The following SGO2 variants were observed in gnomAD, a reference collection of about 807,000 sequenced individuals.
The protein encoded by SGO2 is shugoshin-like 2.
Under a neutral mutation model 99.5 loss-of-function variants are expected in SGO2, and 68 were observed. The ratio of observed to expected loss-of-function variants is 0.68; its 90% confidence interval spans 0.56 to 0.84. The LOEUF (loss-of-function observed/expected upper bound fraction) is 0.84. SGO2 is among the 40% of genes least tolerant of loss of function. SGO2 has a pLI of 0.00. For missense variants in SGO2, 1,350 were observed against 1,436.7 expected (o/e 0.94, Z 0.97); for synonymous variants, 457 against 487.1 (o/e 0.94, Z 0.81).
rs555647661 is a variant in SGO2, at chr2:200,562,583, A to G, written c.474-7080A>G. 1.1e-4 allele frequency among the ~76,000 whole-genome samples: 16 copies of G among 152,266 alleles called. No individual in the cohort carries two copies. The South Asian group carries it at 2.5e-3, about 24-fold the overall frequency. On this transcript the variant is annotated intron_variant, in intron 5 of 8. Transcript: ENST00000357799. ...ATGAACTTTAAAGTAGGTTTTTCCA[A>G]TTCTGTGAAGGAAGTCATTGGTAGC... is the stretch of plus-strand genomic sequence containing the variant.
chr2:200,556,702 G>A (rs567481800), intron 5 of SGO2, among the ~76,000 whole-genome samples: 2 of 152,320 alleles, frequency 1.3e-5, no homozygotes, highest in South Asian at 2.1e-4. Context: ...GCATTGGGCA[G>A]TTTCCATTAC....
At chr2:200,529,504 C>CGTTTT (rs71405325) in intron 1 of SGO2, among the ~76,000 whole-genome samples, 32,976 of 151,048 alleles carry the variant, frequency 0.22, 3,783 homozygotes, top group Middle Eastern at 0.29. Context: ...AGTTTTGTTT[C>CGTTTT]GTTTTGTTTT....
Position 200,572,101 on chromosome 2 carries a change from G to T in SGO2, c.1755G>T (p.Gly585=). The T allele has an allele frequency of 6.2e-7, 1 of 1,613,186 alleles. No homozygotes were observed. The highest frequency in any genetic ancestry group is 1.1e-5 in the South Asian group (1 of 90,910). ...ATAATGGAAATTTATGTGATTATGGGACCCACAATATATTGGATTTGAAAA... is the reference window on the plus strand; with the variant it reads ...ATAATGGAAATTTATGTGATTATGGTACCCACAATATATTGGATTTGAAAA... ...TKDNGNLCDY[G]THNILDLKKY... The change falls in exon 7 of 9, where the codon GGG becomes GGT. Residue 585 remains glycine (G), a synonymous_variant. Coordinates refer to ENST00000357799, the MANE Select transcript of SGO2 (RefSeq NM_152524.6).
At chr2:200,556,807 C>T (rs938179037) in intron 5 of SGO2, among the ~76,000 whole-genome samples, 2 of 152,006 alleles carry the variant, frequency 1.3e-5, no homozygotes, top group Non-Finnish European at 2.9e-5. Flanking sequence ...ATATCAACCC[C>T]AAAACTCCTG....
intron 5 of SGO2, among the ~76,000 whole-genome samples, chr2:200,559,435 C>G (rs1274535946): frequency 2.0e-5 from 3 of 151,910 alleles, no homozygotes; most frequent in East Asian, 3.9e-4. Flanking sequence ...TGATTCTGCT[C>G]TTTATTGTTT....
chr2:200,532,272 G>GTTTTTTTTTGTTT (rs2031429652), intron 1 of SGO2: 3 of 187,204 alleles, frequency 1.6e-5, no homozygotes, highest in African/African-American at 9.1e-5. Flanking sequence ...AGAGTTTTTT[G>GTTTTTTTTTGTTT]TTTTTTTTTT....
intron 5 of SGO2, among the ~76,000 whole-genome samples, chr2:200,549,596 A>G (rs1423903952): frequency 6.6e-6 from 1 of 152,232 alleles, no homozygotes; most frequent in Non-Finnish European, 1.5e-5. Flanking sequence ...AGGATGGCTC[A>G]GCAGACACAA....
intron 4 of SGO2, 51 bp from the exon 5 acceptor site, chr2:200,542,528 A>T: frequency 7.1e-7 from 1 of 1,413,702 alleles, no homozygotes; most frequent in African/African-American, 1.4e-5. Context: ...GATAACTAAC[A>T]TGATTTAATA....
chr2:200,550,991 CAAA>C (rs55848114), intron 5 of SGO2, among the ~76,000 whole-genome samples: 1 of 138,952 alleles, frequency 7.2e-6, no homozygotes, highest in African/African-American at 2.6e-5. Flanking sequence ...AACTAAGTAG[CAAA>C]AAAAAAAAAG....
At chr2:200,555,067 C>T (rs777278931) in intron 5 of SGO2, among the ~76,000 whole-genome samples, 2 of 152,180 alleles carry the variant, frequency 1.3e-5, no homozygotes, top group African/African-American at 4.8e-5. Flanking sequence ...TTGCTCGAAT[C>T]TTCAGCTTTA....
At chr2:200,581,689 G>A (rs1436239192) in intron 8 of SGO2, among the ~76,000 whole-genome samples, 1 of 151,934 alleles carries the variant, frequency 6.6e-6, no homozygotes, top group African/African-American at 2.4e-5. Context: ...CCAAAAAGAA[G>A]GAAGAAAAAA....
rs771430683 is a variant in SGO2, at chr2:200,572,008, T to C, written c.1662T>C (p.Asp554=). ...ATAACTTACTCCCAAACCAAAAGGA[T>C]AAAGTAACCATTTATGAAAACCTAG... ...EKDNLLPNQK[D]KVTIYENLDV... The change falls in exon 7 of 9, where the codon GAT becomes GAC. Residue 554 remains aspartate, a synonymous_variant. Coordinates refer to ENST00000357799, the MANE Select transcript of SGO2 (RefSeq NM_152524.6). 6.2e-7 allele frequency: 1 copy of C among 1,612,588 alleles called. No homozygotes were observed. Among genetic ancestry groups the C allele is most frequent in the Admixed American group, 1.7e-5 (1 of 59,828 alleles).
rs779809948 is a variant in SGO2 at position 200,573,887 on chromosome 2, T to A, written c.3541T>A (p.Ser1181Thr). The A allele has an allele frequency of 1.9e-6, 3 of 1,612,758 alleles. No individual in the cohort carries two copies. The highest frequency in any genetic ancestry group is 1.7e-4 in the Middle Eastern group (1 of 6,058). Residue 1181 changes from serine to threonine, a missense_variant, in exon 7 of 9, where the codon TCC becomes ACC. By Grantham distance (58) the Ser-to-Thr change is moderately conservative. Transcript: ENST00000357799. ...IIKENFALECSPAFQVSDDEH... is the reference protein window; with the variant it reads ...IIKENFALECTPAFQVSDDEH... ...AAAAGAAAATTTTGCCTTGGAGTGC[T>A]CCCCAGCCTTTCAAGTAAGTGATGA...
rs1387344674 is a variant in SGO2 at position 200,571,210 on chromosome 2, C to T, written c.864C>T (p.Asp288=). Residue 288 remains aspartate (D), a synonymous_variant, in exon 7 of 9, where the codon GAC becomes GAT. Coordinates refer to ENST00000357799, the MANE Select transcript of SGO2 (RefSeq NM_152524.6). ...SSWESNNLSA[D]TPCATVLDKQ... ...GGGAATCAAATAATCTTTCTGCAGA[C>T]ACTCCCTGTGCAACAGTTTTAGATA... The T allele has an allele frequency of 1.2e-6, 2 of 1,613,516 alleles. No individual in the cohort carries two copies. Among genetic ancestry groups the T allele is most frequent in the Non-Finnish European group, 1.7e-6 (2 of 1,179,682 alleles).
At chr2:200,544,486 T>C (rs372290894) in intron 5 of SGO2, among the ~76,000 whole-genome samples, 1 of 152,206 alleles carries the variant, frequency 6.6e-6, no homozygotes, top group East Asian at 1.9e-4. Context: ...TTTACCATGT[T>C]GGCCAGGCTG....
intron 1 of SGO2, among the ~76,000 whole-genome samples, chr2:200,528,412 G>T (rs904885335): frequency 2.6e-5 from 4 of 152,210 alleles, no homozygotes; most frequent in African/African-American, 9.6e-5. Context: ...TGGATATATT[G>T]TGAAAGCTGG....
chr2:200,569,797 A>G lies in SGO2; in HGVS notation c.608A>G (p.Asn203Ser). 1.2e-6 allele frequency: 2 copies of G among 1,610,662 alleles called. No homozygotes were observed. Among genetic ancestry groups the G allele is most frequent in the South Asian group, 1.1e-5 (1 of 90,978 alleles). ...ACACAACCTTTATCAACTCAGGATA[A>G]TTCGGAAGTGTTATTTCTTAAAGAA... Reference protein sequence around the residue: ...STTQPLSTQDNSEVLFLKENN... With the variant: ...STTQPLSTQDSSEVLFLKENN... Residue 203 changes from asparagine (N) to serine (S), a missense_variant, in exon 6 of 9, where the codon AAT becomes AGT. Transcript: ENST00000357799.
At chr2:200,565,529 A>C (rs907670384) in intron 5 of SGO2, among the ~76,000 whole-genome samples, 1 of 152,118 alleles carries the variant, frequency 6.6e-6, no homozygotes, top group South Asian at 2.1e-4. Flanking sequence ...TGAATCTGAC[A>C]ATTATGTGTC....
intron 5 of SGO2, among the ~76,000 whole-genome samples, chr2:200,565,371 AG>A (rs1468304346): frequency 3.3e-5 from 5 of 152,168 alleles, no homozygotes; most frequent in Admixed American, 6.5e-5. Flanking sequence ...CTTTTCTTTA[AG>A]AATGTTGAAT....
Sources: allele counts gnomAD v4.1 joint callset (sites outside exome capture counted in the v4.1 genomes callset), GRCh38; gene constraint gnomAD v4.1.1; transcripts MANE v1.5; gene names NCBI Gene and HGNC (gene_info 2026-07-23, HGNC 2026-07-21).